The following SPEF2 variants were observed in gnomAD, a reference collection of about 807,000 sequenced individuals.
SPEF2 encodes the protein sperm flagellar and cilia associated 2.
SPEF2 carries 187 observed loss-of-function variants against 224.6 expected under a neutral mutation model. The ratio of observed to expected loss-of-function variants is 0.83; its 90% CI spans 0.74 to 0.94. The LOEUF (loss-of-function observed/expected upper bound fraction) is 0.94, where lower values mean the gene tolerates loss of function less well. SPEF2 is among the 40% of genes least tolerant of loss of function. The probability of loss-of-function intolerance (pLI) is 0.00; values close to 1 mark genes in which losing one functional copy is unlikely to be tolerated. For synonymous variants in SPEF2, 715 were observed against 707.3 expected, an observed-to-expected ratio of 1.01 and a Z score of -0.17; for missense variants, 2,170 against 2,135.6, an observed-to-expected ratio of 1.02 and a Z score of -0.32.
intron 23 of SPEF2, among the ~76,000 whole-genome samples, chr5:35,752,652 T>C (rs2149725666): frequency 0.038 from 1 of 26 alleles, no homozygotes; most frequent in African/African-American, 0.5. Flanking sequence ...TGTATATGTT[T>C]CATTAATGGG....
chr5:35,629,469 TA>T (rs1744783243), intron 2 of SPEF2, among the ~76,000 whole-genome samples: 2 of 152,234 alleles, frequency 1.3e-5, no homozygotes, highest in African/African-American at 4.8e-5. Context: ...TTCCTTCTTT[TA>T]AGAGAAGAAG....
intron 34 of SPEF2, among the ~76,000 whole-genome samples, chr5:35,801,179 A>G (rs200399268): frequency 1.3e-5 from 2 of 152,218 alleles, no homozygotes; most frequent in East Asian, 3.8e-4. Context: ...TTTCCATTCA[A>G]GAATTCTGCC....
intron 1 of SPEF2, among the ~76,000 whole-genome samples, chr5:35,623,386 C>T (rs568971700): frequency 4.6e-5 from 7 of 152,088 alleles, no homozygotes; most frequent in East Asian, 1.9e-4. Flanking sequence ...AGTGCAGGCT[C>T]GATCTTTCCT....
rs1363456144 is a variant in SPEF2 at position 35,700,608 on chromosome 5, G to A, written c.2254G>A (p.Glu752Lys). ...TGCNRNLTEV[E>K]RKKAQKSTLA... ...CTGCAATAGAAACCTCACAGAAGTG[G>A]AAAGAAAAAAAGCACAAAAATCCAC... The change falls in exon 16 of 37, where the codon GAA becomes AAA. Residue 752 changes from glutamate to lysine, a missense_variant. Physicochemically the swap from Glu to Lys is moderately conservative, Grantham distance 56. Coordinates refer to ENST00000356031, the MANE Select transcript of SPEF2 (RefSeq NM_024867.4). The A allele has an allele frequency of 6.2e-7, 1 of 1,613,750 alleles. No homozygotes were observed. The highest frequency in any genetic ancestry group is 8.5e-7 in the Non-Finnish European group (1 of 1,179,902).
At chr5:35,764,464 A>G (rs1426425913) in intron 26 of SPEF2, 1 of 416,904 alleles carries the variant, frequency 2.4e-6, no homozygotes, top group African/African-American at 2.1e-5. Context: ...CTTTAATCCA[A>G]GCAGAAGTGC....
At chr5:35,807,600 C>T in intron 36 of SPEF2, 1 of 1,509,298 alleles carries the variant, frequency 6.6e-7, no homozygotes, top group Non-Finnish European at 8.9e-7. Context: ...TGATCTCCAG[C>T]CAAGTGCTGA....
chr5:35,674,337 C>CT (rs35129181), intron 10 of SPEF2, among the ~76,000 whole-genome samples: 12,209 of 94,488 alleles, frequency 0.13, 1,021 homozygotes, highest in African/African-American at 0.26. Context: ...TTTTCGTCTT[C>CT]TTTTTTTTTT....
intron 2 of SPEF2, among the ~76,000 whole-genome samples, chr5:35,631,626 T>C (rs1745143427): frequency 1.3e-5 from 2 of 152,126 alleles, no homozygotes; most frequent in African/African-American, 4.8e-5. Context: ...CCAAGAGAAA[T>C]GAAAACCTAT....
Position 35,814,531 on chromosome 5 carries a change from G to A in SPEF2, c.5447G>A (p.Arg1816Lys). The change falls in exon 37 of 37, where the codon AGA becomes AAA. Residue 1816 changes from arginine (R) to lysine (K), a missense_variant. By Grantham distance (26) the Arg-to-Lys change is conservative. Transcript: ENST00000356031. ...AGTGATGGAGAGAGATCACCTTCAA[G>A]ACATACAGAGGAAAAGAAATGAAGA... ...QGSDGERSPS[R>K]HTEEKK The A allele has an allele frequency of 6.2e-7, 1 of 1,606,592 alleles. No individual in the cohort carries two copies. Among genetic ancestry groups the A allele is most frequent in the Non-Finnish European group, 8.5e-7 (1 of 1,175,734 alleles).
intron 36 of SPEF2, among the ~76,000 whole-genome samples, chr5:35,809,299 C>T (rs1253272268): frequency 6.6e-6 from 1 of 152,024 alleles, no homozygotes; most frequent in Admixed American, 6.5e-5. Flanking sequence ...AATTTAACTC[C>T]TTTTTGCAAG....
intron 9 of SPEF2, 137 bp from the exon 10 acceptor site, chr5:35,669,922 C>A (rs561385023): frequency 3.0e-5 from 20 of 666,128 alleles, no homozygotes; most frequent in African/African-American, 2.8e-4. Context: ...CATATGGTAA[C>A]CTTTAAGATC....
intron 13 of SPEF2, among the ~76,000 whole-genome samples, 200 bp downstream of exon 13, chr5:35,694,563 G>A (rs1755019131): frequency 6.6e-6 from 1 of 152,170 alleles, no homozygotes. Flanking sequence ...AAATTACAAG[G>A]CAATCTTTTC....
intron 27 of SPEF2, among the ~76,000 whole-genome samples, chr5:35,773,677 T>C (rs1753195468): frequency 6.6e-6 from 1 of 152,118 alleles, no homozygotes; most frequent in Non-Finnish European, 1.5e-5. Context: ...AAATGGGGCG[T>C]TTTTATATGA....
intron 15 of SPEF2, chr5:35,699,506 T>C (rs541877511): frequency 1.3e-5 from 2 of 152,288 alleles, no homozygotes; most frequent in East Asian, 3.9e-4. Context: ...GAATTTGTGT[T>C]AAACAGAGAA....
At chr5:35,636,229 G>C (rs985602313) in intron 2 of SPEF2, among the ~76,000 whole-genome samples, 15 of 152,146 alleles carry the variant, frequency 9.9e-5, no homozygotes, top group African/African-American at 3.6e-4. Flanking sequence ...CAATTGAATA[G>C]AGATATCTTT....
chr5:35,768,339 T>G (rs1225835390), intron 26 of SPEF2, among the ~76,000 whole-genome samples: 1 of 152,114 alleles, frequency 6.6e-6, no homozygotes, highest in Non-Finnish European at 1.5e-5. Context: ...TTCTTATTGT[T>G]AAATGAGCAA....
chr5:35,746,176 C>T (rs1027921435), intron 23 of SPEF2, among the ~76,000 whole-genome samples: 1 of 152,186 alleles, frequency 6.6e-6, no homozygotes, highest in Admixed American at 6.5e-5. Flanking sequence ...TGAACAAGAG[C>T]TTTCAGCCCT....
chr5:35,641,847 A>G, intron 3 of SPEF2, 164 bp downstream of exon 3: 1 of 685,258 alleles, frequency 1.5e-6, no homozygotes, highest in East Asian at 2.9e-5. Flanking sequence ...ATTTGAATTT[A>G]TTTAGCCATT....
chr5:35,659,961 A>G (rs2149450457), intron 8 of SPEF2, among the ~76,000 whole-genome samples: 1 of 152,086 alleles, frequency 6.6e-6, no homozygotes, highest in South Asian at 2.1e-4. Flanking sequence ...ATGAGAATAA[A>G]TGCTTTATCT....
Sources: allele counts gnomAD v4.1 joint callset (sites outside exome capture counted in the v4.1 genomes callset), GRCh38; gene constraint gnomAD v4.1.1; transcripts MANE v1.5; gene names NCBI Gene and HGNC (gene_info 2026-07-23, HGNC 2026-07-21).